Variants in MROH2B observed in about 807,000 individuals in gnomAD.
MROH2B encodes maestro heat like repeat family member 2B, also known as maestro heat-like repeat-containing protein family member 2B.
Under a neutral mutation model 208.6 loss-of-function variants are expected in MROH2B, and 177 were observed. The observed-to-expected ratio is 0.85, with a 90% CI of 0.75 to 0.96. The LOEUF (loss-of-function observed/expected upper bound fraction) is 0.96, where lower values mean the gene tolerates loss of function less well. Among genes scored for constraint, MROH2B ranks in the 40% least tolerant of loss-of-function variants. The pLI is 0.00. For missense variants in MROH2B, 2,002 were observed against 1,878.7 expected (o/e 1.07, Z -1.21); for synonymous variants, 728 against 659.0 (o/e 1.10, Z -1.60).
intron 24 of MROH2B, among the ~76,000 whole-genome samples, chr5:41,020,908 A>T (rs1332757986): frequency 6.6e-6 from 1 of 152,218 alleles, no homozygotes; most frequent in African/African-American, 2.4e-5. Flanking sequence ...CCATTTTTAC[A>T]ACTTCTATTT....
chr5:41,015,736 G>A lies in MROH2B; in HGVS notation c.2885-258C>T, dbSNP rs150116299. On this transcript the variant is annotated intron_variant, in intron 28 of 41. Coordinates refer to ENST00000399564, the MANE Select transcript of MROH2B (RefSeq NM_173489.5). ...GTCTTGGTTTTGCAGATGAGAAAGC[G>A]GGAACAGAGATGTGAAGACATTGCC... Among the ~76,000 whole-genome samples, 91 of 152,246 alleles carry A rather than the reference G, an allele frequency of 6.0e-4. 1 individual carries two copies. The East Asian group carries it at 0.011, about 18-fold the overall frequency.
chr5:41,015,494 T>C lies in MROH2B; in HGVS notation c.2885-16A>G. On this transcript the variant is annotated splice_polypyrimidine_tract_variant and intron_variant, in intron 28 of 41. Coordinates refer to ENST00000399564, the MANE Select transcript of MROH2B (RefSeq NM_173489.5). ...AAGTGAATGCCTAAAATCAACAAAG[T>C]GAGAAATGTTTAAGTGTTCAAAGAC... is the stretch of plus-strand genomic sequence containing the variant. The C allele has an allele frequency of 6.2e-7, 1 of 1,611,646 alleles. No individual in the cohort carries two copies. The highest frequency in any genetic ancestry group is 8.5e-7 in the Non-Finnish European group (1 of 1,178,308).
chr5:41,018,092 C>T, intron 27 of MROH2B, 122 bp from the exon 28 acceptor site: 1 of 1,340,732 alleles, frequency 7.5e-7, no homozygotes, highest in Non-Finnish European at 1.0e-6. Context: ...GAAATTTGAT[C>T]TTGCACTTTC....
chr5:41,067,122 T>A lies in MROH2B; in HGVS notation c.187A>T (p.Met63Leu), dbSNP rs1250794965. The change falls in exon 3 of 42, where the codon ATG (methionine) becomes TTG (leucine). Residue 63 changes from methionine to leucine, a missense_variant. Coordinates refer to ENST00000399564, the MANE Select transcript of MROH2B (RefSeq NM_173489.5). ...QRLIYYASKD[M>L]RDNNMLREIR... is the part of the protein sequence containing the mutation. ...ACCAAACTTACATTGTTGTCTCTCA[T>A]ATCCTTAGAAGCATAATAAATCAAT... The A allele has an allele frequency of 1.3e-6, 2 of 1,550,278 alleles. No individual in the cohort carries two copies. Among genetic ancestry groups the A allele is most frequent in the African/African-American group, 2.7e-5 (2 of 73,252 alleles).
rs1205410573 is a variant in MROH2B at position 41,039,523 on chromosome 5, C to T, written c.1986G>A (p.Glu662=). 2 of 1,606,546 alleles carry T rather than the reference C, an allele frequency of 1.2e-6. No individual in the cohort carries two copies. The highest frequency in any genetic ancestry group is 1.7e-6 in the Non-Finnish European group (2 of 1,176,104). Residue 662 remains glutamate (E), a synonymous_variant, in exon 20 of 42, where the codon GAG becomes GAA. Coordinates refer to ENST00000399564, the MANE Select transcript of MROH2B (RefSeq NM_173489.5). ...GITSILGYCA[E]NHLDIVLKVL... ...CTTTTAAAACAATATCCAAATGGTT[C>T]TCGGCACAGTATCCTAAAATAGATG...
intron 35 of MROH2B, 64 bp downstream of exon 35, chr5:41,005,467 A>G: frequency 1.3e-6 from 1 of 743,080 alleles, no homozygotes; most frequent in South Asian, 1.6e-5. Flanking sequence ...ACTGGGCTCC[A>G]GACCATAAGA....
At chr5:41,022,790 C>G (rs1742199269) in intron 24 of MROH2B, among the ~76,000 whole-genome samples, 1 of 152,186 alleles carries the variant, frequency 6.6e-6, no homozygotes, top group Non-Finnish European at 1.5e-5. Flanking sequence ...GGGAAGCACC[C>G]CCCAGTGGTG....
intron 37 of MROH2B, 63 bp downstream of exon 37, chr5:41,004,283 T>C: frequency 5.8e-6 from 9 of 1,548,310 alleles, no homozygotes; most frequent in Non-Finnish European, 7.8e-6. Context: ...CTGTGAGCAC[T>C]ACCTAAACCT....
At position 41,033,215 on chromosome 5, in the gene MROH2B, C is replaced by A. The variant is rs1168657957; in HGVS notation, c.2242-55G>T. ...AAGGTCTAAGACACCACACTCAGGT[C>A]TATTAACATGTGACCTAGCTTTGAA... is the stretch of plus-strand genomic sequence containing the variant. On this transcript the variant is annotated intron_variant, in intron 22 of 41. Coordinates refer to ENST00000399564, the MANE Select transcript of MROH2B (RefSeq NM_173489.5). The A allele has an allele frequency of 3.8e-6, 6 of 1,596,288 alleles. No individual in the cohort carries two copies. The Admixed American group carries it at 8.7e-5, about 23-fold the overall frequency.
chr5:41,034,060 C>T, intron 21 of MROH2B, 196 bp from the exon 22 acceptor site: 3 of 984,982 alleles, frequency 3.0e-6, no homozygotes, highest in Non-Finnish European at 3.6e-6. Context: ...TGTACATTTG[C>T]AGAGTCTTTC....
chr5:41,062,285 C>T (rs896829964), intron 5 of MROH2B, among the ~76,000 whole-genome samples: 1 of 152,092 alleles, frequency 6.6e-6, no homozygotes, highest in Non-Finnish European at 1.5e-5. Context: ...GGCGATAACT[C>T]CACAGAACAA....
At chr5:41,031,766 T>C (rs890390485) in intron 24 of MROH2B, among the ~76,000 whole-genome samples, 9 of 152,056 alleles carry the variant, frequency 5.9e-5, no homozygotes, top group African/African-American at 1.9e-4. Context: ...GGCCCCAGTG[T>C]CTATTGTTTC....
chr5:41,026,703 G>T lies in MROH2B; in HGVS notation c.2441+6039C>A, dbSNP rs1210580745. ...AAAAAGCTACTTTAAAGTTCATATG[G>T]AACCAAAAAAGGGCCCGCATTGCCA... On this transcript the variant is annotated intron_variant, in intron 24 of 41. Coordinates refer to ENST00000399564, the MANE Select transcript of MROH2B (RefSeq NM_173489.5). Among the ~76,000 whole-genome samples, 10 of 152,156 alleles carry T rather than the reference G, an allele frequency of 6.6e-5. No individual in the cohort carries two copies. The South Asian group carries it at 2.1e-3, about 32-fold the overall frequency.
intron 18 of MROH2B, among the ~76,000 whole-genome samples, chr5:41,044,285 A>G (rs1057154154): frequency 2.0e-5 from 3 of 151,190 alleles, no homozygotes; most frequent in Admixed American, 1.3e-4. Context: ...GTACCAGCCA[A>G]CCTCAAGTAT....
At chr5:41,060,481 TCTTCC>T (rs1360471637) in intron 6 of MROH2B, among the ~76,000 whole-genome samples, 1 of 152,236 alleles carries the variant, frequency 6.6e-6, no homozygotes, top group African/African-American at 2.4e-5. Context: ...TTTTTTTCTC[TCTTCC>T]CTTCTCCATC....
chr5:41,047,231 C>T (rs1743149471), intron 17 of MROH2B, among the ~76,000 whole-genome samples: 1 of 152,056 alleles, frequency 6.6e-6, no homozygotes, highest in African/African-American at 2.4e-5. Context: ...TGTAAAGCTC[C>T]AAGAAGTTTA....
In MROH2B at chr5:41,033,046, T is replaced by A; in HGVS notation, c.2356A>T (p.Met786Leu). The A allele has an allele frequency of 6.2e-7, 1 of 1,612,984 alleles. No individual in the cohort carries two copies. Among genetic ancestry groups the A allele is most frequent in the Non-Finnish European group, 8.5e-7 (1 of 1,179,224 alleles). ...TTCCCTCTCTGCACACTCACCAGCA[T>A]GTAACCAATCAGCATCTCCTTGTAG... Reference protein sequence around the residue: ...FSYKEMLIGYMLDFIRDEPLD... With the variant: ...FSYKEMLIGYLLDFIRDEPLD... The change falls in exon 23 of 42, where the codon ATG (methionine) becomes TTG (leucine). Residue 786 changes from methionine (M) to leucine (L), a missense_variant. Transcript: ENST00000399564.
chr5:41,026,911 A>T (rs1742383111), intron 24 of MROH2B, among the ~76,000 whole-genome samples: 1 of 152,212 alleles, frequency 6.6e-6, no homozygotes. Context: ...GATCTTTGAC[A>T]AACCTGACGA....
intron 17 of MROH2B, 96 bp downstream of exon 17, chr5:41,047,625 T>C: frequency 9.0e-7 from 1 of 1,108,922 alleles, no homozygotes; most frequent in South Asian, 1.4e-5. Flanking sequence ...AGGTTGTTTA[T>C]TATCCTCAGG....
Sources: gnomAD v4.1 joint callset for allele counts (sites outside exome capture counted in the v4.1 genomes callset) on GRCh38, gnomAD v4.1.1 for gene constraint, MANE v1.5 for transcripts, NCBI Gene and HGNC (gene_info 2026-07-23, HGNC 2026-07-21) for gene names.